Variants in FAM135B observed in about 807,000 individuals in gnomAD.
The protein encoded by FAM135B is protein FAM135B.
In FAM135B, 43 loss-of-function variants were observed where a neutral mutation model predicts 127.7. That is an observed-to-expected ratio of 0.34 (90% confidence interval 0.26 to 0.43). The LOEUF (loss-of-function observed/expected upper bound fraction) is 0.43. Ranked by LOEUF, FAM135B falls within the 20% of genes least tolerant of loss-of-function variation. The pLI is 1.00. For synonymous variants in FAM135B, 670 were observed against 665.1 expected, an observed-to-expected ratio of 1.01 and a Z score of -0.11; for missense variants, 1,558 against 1,725.6, an observed-to-expected ratio of 0.90 and a Z score of 1.72.
intron 4 of FAM135B, among the ~76,000 whole-genome samples, chr8:138,262,541 C>T (rs898047070): frequency 2.0e-5 from 3 of 152,068 alleles, no homozygotes; most frequent in African/African-American, 7.2e-5. Flanking sequence ...AGGATACACT[C>T]AACATGAGGA....
At chr8:138,183,387 T>C (rs1815260576) in intron 9 of FAM135B, among the ~76,000 whole-genome samples, 1 of 152,174 alleles carries the variant, frequency 6.6e-6, no homozygotes, top group African/African-American at 2.4e-5. Context: ...TCTGTTTAGT[T>C]GCCAAGCAAT....
intron 1 of FAM135B, among the ~76,000 whole-genome samples, chr8:138,431,534 C>T (rs900146090): frequency 6.6e-6 from 1 of 152,210 alleles, no homozygotes; most frequent in South Asian, 2.1e-4. Flanking sequence ...TTTACATATA[C>T]TTTATGGCTG....
At chr8:138,493,932 T>A (rs1587566470) in intron 1 of FAM135B, among the ~76,000 whole-genome samples, 1 of 152,240 alleles carries the variant, frequency 6.6e-6, no homozygotes, top group South Asian at 2.1e-4. Flanking sequence ...CTTAATCCAA[T>A]GCTTGTGCTT....
At chr8:138,459,530 G>A (rs1274467777) in intron 1 of FAM135B, 3 of 152,170 alleles carry the variant, frequency 2.0e-5, no homozygotes, top group African/African-American at 7.2e-5. Context: ...TCAAGGACCA[G>A]GCGATCATGA....
intron 1 of FAM135B, among the ~76,000 whole-genome samples, chr8:138,471,122 G>A (rs1837652008): frequency 1.3e-5 from 2 of 151,834 alleles, no homozygotes; most frequent in Non-Finnish European, 2.9e-5. Flanking sequence ...AGGTGAGAGG[G>A]GCAGGATATC....
chr8:138,165,367 G>A (rs543603845), intron 12 of FAM135B, among the ~76,000 whole-genome samples: 19 of 152,076 alleles, frequency 1.2e-4, no homozygotes, highest in East Asian at 1.2e-3. Flanking sequence ...TGATCCACCC[G>A]CCTCAGCCTC....
intron 1 of FAM135B, among the ~76,000 whole-genome samples, chr8:138,379,000 C>CT (rs1170250229): frequency 4.6e-5 from 7 of 152,220 alleles, no homozygotes; most frequent in South Asian, 4.1e-4. Context: ...GGCATGGAGC[C>CT]TTTTCCCTTT....
chr8:138,356,277 AG>A (rs1563930499), intron 2 of FAM135B, among the ~76,000 whole-genome samples: 3 of 15,664 alleles, frequency 1.9e-4, no homozygotes, highest in African/African-American at 4.7e-4. Flanking sequence ...AGAGAGAGAG[AG>A]AGAGAAAGAG....
At chr8:138,345,901 T>A (rs1444159166) in intron 2 of FAM135B, among the ~76,000 whole-genome samples, 1 of 152,084 alleles carries the variant, frequency 6.6e-6, no homozygotes, top group Non-Finnish European at 1.5e-5. Context: ...TGTTTTGCAA[T>A]CCATCCATCT....
chr8:138,312,054 C>A (rs907109916), intron 2 of FAM135B, among the ~76,000 whole-genome samples: 2 of 152,156 alleles, frequency 1.3e-5, no homozygotes, highest in African/African-American at 4.8e-5. Flanking sequence ...TCAAGCAATT[C>A]TTCTGCCTCA....
At chr8:138,354,982 G>T (rs1176445245) in intron 2 of FAM135B, among the ~76,000 whole-genome samples, 11 of 152,108 alleles carry the variant, frequency 7.2e-5, no homozygotes, top group Non-Finnish European at 1.6e-4. Flanking sequence ...TTTACATTAG[G>T]TATATCTCCT....
intron 1 of FAM135B, among the ~76,000 whole-genome samples, chr8:138,385,889 G>T (rs1010314599): frequency 1.3e-5 from 2 of 151,924 alleles, no homozygotes; most frequent in East Asian, 3.9e-4. Context: ...GAACAAATAC[G>T]ATACTGGGTA....
chr8:138,259,585 A>G (rs1268521481), intron 4 of FAM135B, among the ~76,000 whole-genome samples: 1 of 152,140 alleles, frequency 6.6e-6, no homozygotes, highest in East Asian at 1.9e-4. Context: ...CACAGGAGGG[A>G]CACATTCCTC....
chr8:138,297,607 C>T (rs1405663305), intron 3 of FAM135B, among the ~76,000 whole-genome samples: 1 of 152,016 alleles, frequency 6.6e-6, no homozygotes, highest in Non-Finnish European at 1.5e-5. Flanking sequence ...TCTGAAAGAC[C>T]CCTAAAAGTC....
At chr8:138,273,955 C>T (rs1244693655) in intron 3 of FAM135B, among the ~76,000 whole-genome samples, 4 of 152,152 alleles carry the variant, frequency 2.6e-5, no homozygotes, top group Admixed American at 6.5e-5. Context: ...ATAATGCCAG[C>T]CCTATCTCTC....
chr8:138,341,063 T>G (rs1047136587), intron 2 of FAM135B, among the ~76,000 whole-genome samples: 1 of 152,092 alleles, frequency 6.6e-6, no homozygotes, highest in Non-Finnish European at 1.5e-5. Context: ...TAGGACTGGG[T>G]ATAAACCCAG....
chr8:138,203,218 T>C (rs1817284983), intron 7 of FAM135B, among the ~76,000 whole-genome samples: 6 of 152,320 alleles, frequency 3.9e-5, no homozygotes, highest in Admixed American at 3.9e-4. Context: ...ATTCCTGCAC[T>C]GGGCTCTAGA....
Position 138,174,807 on chromosome 8 carries a change from G to C in FAM135B, c.1103+2540C>G, listed in dbSNP as rs565850106. On this transcript the variant is annotated intron_variant, in intron 11 of 19. Transcript: ENST00000395297. ...GACAATTCATGAACTAGGACTCTCT[G>C]TTCCTCTCACAGCGATGCATGTTTC... Among the ~76,000 whole-genome samples the C allele has an allele frequency of 6.0e-4, 92 of 152,166 alleles. 1 individual carries two copies. The highest frequency in any genetic ancestry group is 6.8e-3 in the Middle Eastern group (2 of 294).
chr8:138,489,748 T>G (rs1310951853), intron 1 of FAM135B, among the ~76,000 whole-genome samples: 2 of 152,146 alleles, frequency 1.3e-5, no homozygotes, highest in African/African-American at 4.8e-5. Flanking sequence ...CCACACATCC[T>G]ACTGCCTGCA....
Sources: allele counts gnomAD v4.1 joint callset (sites outside exome capture counted in the v4.1 genomes callset), GRCh38; gene constraint gnomAD v4.1.1; transcripts MANE v1.5; gene names NCBI Gene and HGNC (gene_info 2026-07-23, HGNC 2026-07-21).